The following ANKZF1 variants were observed in gnomAD, a reference collection of about 807,000 sequenced individuals.
The protein encoded by ANKZF1 is tRNA endonuclease ANKZF1.
Under a neutral mutation model 86.0 loss-of-function variants are expected in ANKZF1, and 84 were observed. The ratio of observed to expected loss-of-function variants is 0.98; its 90% CI spans 0.82 to 1.17. The LOEUF (loss-of-function observed/expected upper bound fraction) is 1.17, where lower values mean the gene tolerates loss of function less well. Ranked by LOEUF, ANKZF1 falls within the 50% of genes most tolerant of loss-of-function variation. The pLI is 0.00. For missense variants in ANKZF1, 893 were observed against 918.4 expected (o/e 0.97, Z 0.36); for synonymous variants, 331 against 354.2 (o/e 0.93, Z 0.74).
In ANKZF1 at chr2:219,233,737, G is replaced by T; in HGVS notation, c.842G>T (p.Gly281Val). The T allele has an allele frequency of 6.2e-7, 1 of 1,613,498 alleles. No homozygotes were observed. The highest frequency in any genetic ancestry group is 8.5e-7 in the Non-Finnish European group (1 of 1,179,758). The change falls in exon 8 of 14, where the codon GGG (glycine) becomes GTG (valine). Residue 281 changes from glycine to valine, a missense_variant. By Grantham distance (109) the Gly-to-Val change is moderately radical. Coordinates refer to ENST00000323348, the MANE Select transcript of ANKZF1 (RefSeq NM_018089.3). ...TAGGATGTTCGTGACCTGCTGGCAG[G>T]GCCAAGCTGGGCTAAGGCGCTGGAG... ...LYKDVRDLLA[G>V]PSWAKALEEA... is the part of the protein sequence containing the mutation.
intron 3 of ANKZF1, 46 bp from the exon 4 acceptor site, chr2:219,232,214 C>T: frequency 6.3e-7 from 1 of 1,586,240 alleles, no homozygotes. Flanking sequence ...CAAGGCCAGG[C>T]TGGGGCATAT....
chr2:219,235,481 C>T lies in ANKZF1; in HGVS notation c.1699C>T (p.Arg567Trp), dbSNP rs369058806. Reference protein sequence around the residue: ...AGADPTVQDSRARPPYTVAAD... With the variant: ...AGADPTVQDSWARPPYTVAAD... ...TGGAGTTTTTGCACCTAGGGACTCT[C>T]GGGCCCGGCCACCTTATACTGTTGC... Residue 567 changes from arginine to tryptophan, a missense_variant, in exon 11 of 14, where the codon CGG (arginine) becomes TGG (tryptophan). Transcript: ENST00000323348. The T allele has an allele frequency of 2.4e-5, 39 of 1,613,882 alleles. No individual in the cohort carries two copies. Among genetic ancestry groups the T allele is most frequent in the Middle Eastern group, 1.7e-4 (1 of 6,008 alleles).
chr2:219,233,752 A>AGGCGCT lies in ANKZF1; in HGVS notation c.860_865dup (p.Ala287_Leu288dup), dbSNP rs770562300. ...CTGCTGGCAGGGCCAAGCTGGGCTA[A>AGGCGCT]GGCGCTGGAGGAGGCTGGTACAATA... On this transcript the variant is annotated inframe_insertion, in exon 8 of 14. Transcript: ENST00000323348. The AGGCGCT allele has an allele frequency of 1.4e-5, 22 of 1,613,994 alleles. No individual in the cohort carries two copies. In the South Asian group the frequency reaches 2.4e-4, roughly 18 times the overall value.
chr2:219,232,512 A>G lies in ANKZF1; in HGVS notation c.387A>G (p.Gly129=), dbSNP rs377059449. The G allele has an allele frequency of 3.1e-6, 5 of 1,614,054 alleles. No individual in the cohort carries two copies. The African/African-American group carries it at 5.3e-5, about 17-fold the overall frequency. ...SSTGDLSSIS[G]SEDSDSASEE... is the part of the protein sequence containing the mutation. ...CAGGAGATCTTTCCAGCATCTCGGG[A>G]TCAGAAGACTCAGACTCAGCCAGTG... Residue 129 remains glycine, a synonymous_variant, in exon 5 of 14, where the codon GGA becomes GGG. Coordinates refer to ENST00000323348, the MANE Select transcript of ANKZF1 (RefSeq NM_018089.3).
In ANKZF1 at chr2:219,232,475, A is replaced by G; in HGVS notation, c.365-15A>G. On this transcript the variant is annotated splice_polypyrimidine_tract_variant and intron_variant, in intron 4 of 13. Coordinates refer to ENST00000323348, the MANE Select transcript of ANKZF1 (RefSeq NM_018089.3). ...GGGGTACCAAACTTGTGTATCTCAT[A>G]TTGTCTGTCTTCAGGAGATCTTTCC... The G allele has an allele frequency of 6.2e-7, 1 of 1,613,684 alleles. No individual in the cohort carries two copies. Among genetic ancestry groups the G allele is most frequent in the Non-Finnish European group, 8.5e-7 (1 of 1,179,752 alleles).
At position 219,229,850 on chromosome 2, in the gene ANKZF1, T is replaced by C; in HGVS notation, c.-81T>C. On this transcript the variant is annotated 5_prime_UTR_variant, in exon 1 of 14. Coordinates refer to ENST00000323348, the MANE Select transcript of ANKZF1 (RefSeq NM_018089.3). The surrounding 1 kb of genome is among the most constrained non-coding windows in gnomAD (Gnocchi z 4.2). ...GACGGGGATTGTTGTGTTGCAGAAA[T>C]CCGGCAATCGACCTGAGGACTTGCG... 2 of 174,930 alleles carry C rather than the reference T, an allele frequency of 1.1e-5. No homozygotes were observed. Among genetic ancestry groups the C allele is most frequent in the Non-Finnish European group, 2.5e-5 (2 of 80,738 alleles). The allele number at this position is 174,930 out of a possible 1,614,324, so 10.8% of individuals were successfully genotyped here.
rs1375643294 is a variant in ANKZF1, at chr2:219,230,305, G to A, written c.48G>A (p.Leu16=). ...DAAPAPASIS[L]FDLSADAPVF... ...CCCCGGCTCCTGCGTCGATCTCCCTGTTTGACCTCAGCGCGGATGCTCCGG... is the reference window on the plus strand; with the variant it reads ...CCCCGGCTCCTGCGTCGATCTCCCTATTTGACCTCAGCGCGGATGCTCCGG... The change falls in exon 2 of 14, where the codon CTG becomes CTA. Residue 16 remains leucine, a synonymous_variant. Coordinates refer to ENST00000323348, the MANE Select transcript of ANKZF1 (RefSeq NM_018089.3). The A allele has an allele frequency of 6.2e-7, 1 of 1,614,112 alleles. No homozygotes were observed. Among genetic ancestry groups the A allele is most frequent in the East Asian group, 2.2e-5 (1 of 44,870 alleles).
Position 219,233,100 on chromosome 2 carries a change from C to CTGCT in ANKZF1, c.581_584dup (p.Leu196AlafsTer8). On this transcript the variant is annotated frameshift_variant, in exon 6 of 14. Transcript: ENST00000323348. LOFTEE classifies it high-confidence loss of function. The stretch of plus-strand genomic sequence containing the variant: ...CAAGGATCCCCCAGAAGAGGCAGAA[C>CTGCT]TGCTGCTACAGAACCTGCAAAGTAG... 1 of 1,613,976 alleles carries CTGCT rather than the reference C, an allele frequency of 6.2e-7. No homozygotes were observed. Among genetic ancestry groups the CTGCT allele is most frequent in the Non-Finnish European group, 8.5e-7 (1 of 1,179,966 alleles).
intron 5 of ANKZF1, 79 bp downstream of exon 5, chr2:219,232,762 T>A: frequency 7.1e-7 from 1 of 1,407,082 alleles, no homozygotes; most frequent in Non-Finnish European, 9.7e-7. Flanking sequence ...CTAGTGCATT[T>A]CTCCCTGCTT....
intron 13 of ANKZF1, 58 bp from the exon 14 acceptor site, chr2:219,236,264 G>T: frequency 6.2e-7 from 1 of 1,611,908 alleles, no homozygotes; most frequent in Non-Finnish European, 8.5e-7. Flanking sequence ...GACGGGGAGA[G>T]CGTGGATTGG....
rs764115068 is a variant in ANKZF1, at chr2:219,233,734, C to A, written c.839C>A (p.Ala280Glu). 19 of 1,612,914 alleles carry A rather than the reference C, an allele frequency of 1.2e-5. No individual in the cohort carries two copies. The African/African-American group carries it at 2.5e-4, about 22-fold the overall frequency. ...CTCTAGGATGTTCGTGACCTGCTGG[C>A]AGGGCCAAGCTGGGCTAAGGCGCTG... Reference protein sequence around the residue: ...TLYKDVRDLLAGPSWAKALEE... With the variant: ...TLYKDVRDLLEGPSWAKALEE... Residue 280 changes from alanine (A) to glutamate (E), a missense_variant, in exon 8 of 14, where the codon GCA becomes GAA. By Grantham distance (107) the Ala-to-Glu change is moderately radical. Transcript: ENST00000323348.
In ANKZF1 at chr2:219,235,460, GT is replaced by G; in HGVS notation, c.1692-9del. On this transcript the variant is annotated splice_polypyrimidine_tract_variant and intron_variant, in intron 10 of 13. Transcript: ENST00000323348. ...GAGGCAAGTTAAACCCATTTTTGGA[GT>G]TTTTGCACCTAGGGACTCTCGGGCC... 6.2e-7 allele frequency: 1 copy of G among 1,612,624 alleles called. No homozygotes were observed. Among genetic ancestry groups the G allele is most frequent in the Non-Finnish European group, 8.5e-7 (1 of 1,179,306 alleles).
chr2:219,233,150 C>T lies in ANKZF1; in HGVS notation c.630C>T (p.Leu210=), dbSNP rs752986832. 11 of 1,614,218 alleles carry T rather than the reference C, an allele frequency of 6.8e-6. No individual in the cohort carries two copies. Among genetic ancestry groups the T allele is most frequent in the Non-Finnish European group, 9.3e-6 (11 of 1,180,040 alleles). The change falls in exon 6 of 14, where the codon CTC becomes CTT. Residue 210 remains leucine, a synonymous_variant. Transcript: ENST00000323348. ...QSRGPRDCVV[L]MAAAGHFAGA... ...GAGGTCCCAGAGACTGCGTGGTGCT[C>T]ATGGCTGCAGCTGGGCACTTTGCTG... is the stretch of plus-strand genomic sequence containing the variant.
intron 6 of ANKZF1, 47 bp downstream of exon 6, chr2:219,233,238 C>T (rs758663937): frequency 6.2e-7 from 1 of 1,614,162 alleles, no homozygotes; most frequent in South Asian, 1.1e-5. Context: ...ATCCTGTTAG[C>T]CAGGGAGCAC....
intron 12 of ANKZF1, 49 bp from the exon 13 acceptor site, chr2:219,235,961 C>T (rs2293078): frequency 1.2e-6 from 2 of 1,613,798 alleles, no homozygotes; most frequent in East Asian, 4.5e-5. Flanking sequence ...CTCTTGGGTG[C>T]CCTACTCGCC....
chr2:219,232,255 A>T lies in ANKZF1; in HGVS notation c.262-5A>T, dbSNP rs1385728187. 6.2e-7 allele frequency: 1 copy of T among 1,613,314 alleles called. No homozygotes were observed. Among genetic ancestry groups the T allele is most frequent in the African/African-American group, 1.3e-5 (1 of 74,922 alleles). On this transcript the variant is annotated splice_region_variant and splice_polypyrimidine_tract_variant and intron_variant, in intron 3 of 13. Transcript: ENST00000323348. Reference sequence around the variant, plus strand: ...CCTTTATCTCACTCTTTGTCTTTGTACTAGAGGGAACATTATAAGCTTGAC... The same window carrying T: ...CCTTTATCTCACTCTTTGTCTTTGTTCTAGAGGGAACATTATAAGCTTGAC...
chr2:219,233,407 C>A lies in ANKZF1; in HGVS notation c.793C>A (p.Arg265Ser). ...ACACTCTGCTGGAGCCAACCTGAGG[C>A]GCTACAATGAAGCCACACTATATAA... ...PSHSAGANLR[R>S]YNEATLYKDV... is the part of the protein sequence containing the mutation. Residue 265 changes from arginine to serine, a missense_variant, in exon 7 of 14, where the codon CGC becomes AGC. Transcript: ENST00000323348. 6.2e-7 allele frequency: 1 copy of A among 1,613,624 alleles called. No homozygotes were observed. The highest frequency in any genetic ancestry group is 1.1e-5 in the South Asian group (1 of 91,038).
At chr2:219,230,128 A>G in intron 1 of ANKZF1, 100 bp from the exon 2 acceptor site, 1 of 964,470 alleles carries the variant, frequency 1.0e-6, no homozygotes, top group Non-Finnish European at 1.5e-6. Flanking sequence ...GAGAGACGAG[A>G]AGTCTTGCGG....
intron 3 of ANKZF1, 68 bp downstream of exon 3, chr2:219,232,108 AT>A: frequency 1.4e-6 from 2 of 1,466,676 alleles, no homozygotes; most frequent in Admixed American, 1.9e-5. Flanking sequence ...AGAGGTAGAC[AT>A]TTGATTTGTC....
Sources: allele counts gnomAD v4.1 joint callset, GRCh38; gene constraint gnomAD v4.1.1; non-coding constraint Gnocchi (gnomAD v3.1); transcripts MANE v1.5; gene names NCBI Gene and HGNC (gene_info 2026-07-23, HGNC 2026-07-21).